SLC24A4: variants seen among roughly 807,000 people sequenced by gnomAD.
The protein encoded by SLC24A4 is solute carrier family 24 member 4.
A neutral mutation model predicts 79.0 loss-of-function variants in SLC24A4; 53 were observed. The ratio of observed to expected loss-of-function variants is 0.67; its 90% CI spans 0.54 to 0.84. The LOEUF is 0.84. Ranked by LOEUF, SLC24A4 falls within the 40% of genes least tolerant of loss-of-function variation. The probability of loss-of-function intolerance (pLI) is 0.00; values close to 1 mark genes in which losing one functional copy is unlikely to be tolerated. For missense variants in SLC24A4, 731 were observed against 822.0 expected (o/e 0.89, Z 1.35); for synonymous variants, 323 against 323.8 (o/e 1.00, Z 0.03).
chr14:92,427,644 G>C (rs1566758838), intron 2 of SLC24A4, among the ~76,000 whole-genome samples: 1 of 150,102 alleles, frequency 6.7e-6, no homozygotes, highest in Non-Finnish European at 1.5e-5. Flanking sequence ...CTGAAAAGGA[G>C]GTGGGTGTAT....
chr14:92,396,214 G>T (rs1889768282), intron 2 of SLC24A4, among the ~76,000 whole-genome samples: 1 of 152,156 alleles, frequency 6.6e-6, no homozygotes, highest in Non-Finnish European at 1.5e-5. Flanking sequence ...GTTTGGTGTG[G>T]GTTGTTTGCA....
chr14:92,379,772 C>T (rs1888725802), intron 2 of SLC24A4, among the ~76,000 whole-genome samples: 1 of 152,122 alleles, frequency 6.6e-6, no homozygotes, highest in Non-Finnish European at 1.5e-5. Context: ...ACTCACGTGC[C>T]TCCTGCTCAC....
intron 3 of SLC24A4, among the ~76,000 whole-genome samples, chr14:92,437,225 C>G (rs1041610182): frequency 5.3e-5 from 8 of 152,224 alleles, no homozygotes; most frequent in Non-Finnish European, 7.3e-5. Flanking sequence ...TCCACTCTCT[C>G]TATTCTACCT....
chr14:92,332,784 A>G (rs539042232), intron 2 of SLC24A4, among the ~76,000 whole-genome samples: 4 of 152,338 alleles, frequency 2.6e-5, no homozygotes, highest in South Asian at 2.1e-4. Context: ...AATATGCTCA[A>G]CCCAAAGATG....
At chr14:92,493,355 T>C in intron 16 of SLC24A4, 121 bp from the exon 17 acceptor site, 1 of 1,236,040 alleles carries the variant, frequency 8.1e-7, no homozygotes, top group East Asian at 2.5e-5. Flanking sequence ...AGCACCCCGC[T>C]ACACTTGCCC....
chr14:92,421,023 C>T (rs1891248292), intron 2 of SLC24A4, among the ~76,000 whole-genome samples: 1 of 152,088 alleles, frequency 6.6e-6, no homozygotes, highest in Non-Finnish European at 1.5e-5. Flanking sequence ...ATGAGCTCAC[C>T]TTCAAGCAGT....
intron 2 of SLC24A4, among the ~76,000 whole-genome samples, chr14:92,361,848 A>G (rs1356866317): frequency 6.6e-6 from 1 of 152,136 alleles, no homozygotes; most frequent in East Asian, 1.9e-4. Context: ...CCAGAGAGGA[A>G]CATGTGTCCA....
intron 12 of SLC24A4, among the ~76,000 whole-genome samples, chr14:92,460,094 C>T (rs541561667): frequency 3.9e-5 from 6 of 152,232 alleles, no homozygotes; most frequent in Admixed American, 6.5e-5. Flanking sequence ...AGCATAGCTT[C>T]GGGTGTCAAG....
intron 2 of SLC24A4, among the ~76,000 whole-genome samples, chr14:92,413,250 A>G (rs1890817224): frequency 6.6e-6 from 1 of 151,942 alleles, no homozygotes; most frequent in South Asian, 2.1e-4. Flanking sequence ...GATCCTTCCA[A>G]TCCCATGTTC....
At chr14:92,324,136 G>A (rs76388590) in intron 1 of SLC24A4, among the ~76,000 whole-genome samples, 176 bp downstream of exon 1, 2,375 of 152,316 alleles carry the variant, frequency 0.016, 68 homozygotes, top group African/African-American at 0.054. Context: ...TGGACGCTCT[G>A]GGCTGTGGCG....
chr14:92,406,003 G>C lies in SLC24A4; in HGVS notation c.242-27909G>C, dbSNP rs144096855. 1.4e-3 allele frequency among the ~76,000 whole-genome samples: 212 copies of C among 152,300 alleles called. 5 individuals carry two copies. In the East Asian group the frequency reaches 0.023, roughly 16 times the overall value. On this transcript the variant is annotated intron_variant, in intron 2 of 16. Coordinates refer to ENST00000532405, the MANE Select transcript of SLC24A4 (RefSeq NM_153646.4). ...GTAAGTCCCTTCTGCCTATGAGCCT[G>C]TAAAATAAAAAACAAGTTAGTTATT...
chr14:92,467,044 A>G (rs918027030), intron 12 of SLC24A4, among the ~76,000 whole-genome samples: 6 of 152,198 alleles, frequency 3.9e-5, no homozygotes, highest in African/African-American at 1.4e-4. Context: ...TGGTACTCCA[A>G]CATCCACCTG....
Position 92,454,161 on chromosome 14 carries a change from C to T in SLC24A4, c.1050+92C>T, listed in dbSNP as rs555463275. ...CTCTTCCTGGTGCCATTGATCACTG[C>T]ACCTGTTTAAGGAAGGATGCCCTGG... is the stretch of plus-strand genomic sequence containing the variant. On this transcript the variant is annotated intron_variant, in intron 11 of 16. Transcript: ENST00000532405. 96 of 1,374,520 alleles carry T rather than the reference C, an allele frequency of 7.0e-5. 1 individual carries two copies. The Admixed American group carries it at 2.2e-3, about 32-fold the overall frequency. 85.1% of individuals were successfully genotyped at this position (1,374,520 alleles called of 1,614,324 possible).
intron 3 of SLC24A4, among the ~76,000 whole-genome samples, chr14:92,438,388 G>C (rs996438757): frequency 3.3e-5 from 5 of 152,162 alleles, no homozygotes; most frequent in Admixed American, 2.0e-4. Flanking sequence ...AGGAGCACTT[G>C]AGTCCAGGAG....
chr14:92,386,570 A>G (rs1889170336), intron 2 of SLC24A4, among the ~76,000 whole-genome samples: 1 of 152,104 alleles, frequency 6.6e-6, no homozygotes, highest in Non-Finnish European at 1.5e-5. Flanking sequence ...TAAGTTCTCA[A>G]ATGATAAACT....
intron 10 of SLC24A4, chr14:92,452,665 T>C (rs1893207180): frequency 1.3e-5 from 2 of 152,296 alleles, no homozygotes; most frequent in African/African-American, 2.4e-5. Flanking sequence ...TCAGCTTTCA[T>C]CCACGCGATA....
At chr14:92,421,419 C>T (rs951193973) in intron 2 of SLC24A4, among the ~76,000 whole-genome samples, 1 of 152,088 alleles carries the variant, frequency 6.6e-6, no homozygotes, top group African/African-American at 2.4e-5. Context: ...CTGTCACTGA[C>T]CTTGGTTTTG....
rs1896033166 is a variant in SLC24A4 at position 92,498,882 on chromosome 14, TAGGCC to T, written c.*5255_*5259del. 6.6e-6 allele frequency: 1 copy of T among 152,254 alleles called. No individual in the cohort carries two copies. The highest frequency in any genetic ancestry group is 1.5e-5 in the Non-Finnish European group (1 of 68,048). 9.4% of individuals were successfully genotyped at this position (152,254 alleles called of 1,614,324 possible). Reference sequence around the variant, plus strand: ...GGGACACTAGTTTTGTGCTCAGCTTTAGGCCGGGTAGCTAATGGGAGGATGTCCAG... The same window carrying T: ...GGGACACTAGTTTTGTGCTCAGCTTTGGGTAGCTAATGGGAGGATGTCCAG... On this transcript the variant is annotated 3_prime_UTR_variant, in exon 17 of 17. Transcript: ENST00000532405.
intron 2 of SLC24A4, among the ~76,000 whole-genome samples, chr14:92,390,428 T>A (rs1889401462): frequency 6.6e-6 from 1 of 152,138 alleles, no homozygotes; most frequent in Non-Finnish European, 1.5e-5. Flanking sequence ...CTGAACACTT[T>A]TGCCACAATT....
Sources: allele counts gnomAD v4.1 joint callset (sites outside exome capture counted in the v4.1 genomes callset), GRCh38; gene constraint gnomAD v4.1.1; transcripts MANE v1.5; gene names NCBI Gene and HGNC (gene_info 2026-07-23, HGNC 2026-07-21).